Variants in SWT1 observed in about 807,000 individuals in gnomAD.
SWT1 encodes transcriptional protein SWT1.
SWT1 carries 33 observed loss-of-function variants against 107.3 expected under a neutral mutation model. The ratio of observed to expected loss-of-function variants is 0.31; its 90% CI spans 0.23 to 0.41. The LOEUF is 0.41. Ranked by LOEUF, SWT1 falls within the 10% of genes least tolerant of loss-of-function variation. The probability of loss-of-function intolerance (pLI) is 1.00; values close to 1 mark genes in which losing one functional copy is unlikely to be tolerated. For synonymous variants in SWT1, 345 were observed against 348.3 expected (o/e 0.99, Z 0.11); for missense variants, 898 against 1,028.9 (o/e 0.87, Z 1.74).
chr1:185,200,943 C>T (rs1487615992), intron 10 of SWT1, among the ~76,000 whole-genome samples: 2 of 152,126 alleles, frequency 1.3e-5, no homozygotes, highest in African/African-American at 2.4e-5. Flanking sequence ...TCAGAGGTGC[C>T]CTGCCCAGAG....
At chr1:185,218,138 T>C (rs1201084419) in intron 14 of SWT1, among the ~76,000 whole-genome samples, 56 of 152,210 alleles carry the variant, frequency 3.7e-4, no homozygotes, top group Admixed American at 3.7e-3. Context: ...TGGTCATGTC[T>C]CAGTAACTTG....
At chr1:185,181,594 C>T (rs1293915327) in intron 6 of SWT1, among the ~76,000 whole-genome samples, 2 of 152,134 alleles carry the variant, frequency 1.3e-5, no homozygotes, top group East Asian at 3.8e-4. Flanking sequence ...ACTTTAATGT[C>T]TAGGTATTTG....
chr1:185,162,005 T>C (rs1008618666), intron 2 of SWT1, among the ~76,000 whole-genome samples: 56 of 152,190 alleles, frequency 3.7e-4, no homozygotes, highest in Non-Finnish European at 1.3e-4. Context: ...TTCCAGATAG[T>C]GTGCTTTTTG....
chr1:185,270,799 CTA>C (rs758824172), intron 16 of SWT1, among the ~76,000 whole-genome samples: 2 of 152,100 alleles, frequency 1.3e-5, no homozygotes, highest in Admixed American at 1.3e-4. Flanking sequence ...TTTATGTAAT[CTA>C]TTGATTTTTC....
chr1:185,174,827 C>T lies in SWT1; in HGVS notation c.680C>T (p.Ser227Phe). Residue 227 changes from serine (S) to phenylalanine (F), a missense_variant, in exon 5 of 19, where the codon TCT becomes TTT. By Grantham distance (155) the Ser-to-Phe change is radical. Around this residue, in one of 6 missense-constraint regions of SWT1, gnomAD observed 382 missense variants for 362.4 expected, o/e 1.05. Transcript: ENST00000367500. ...AAGATAATTAAGGAACCCTTGGGATCTAGAAGACAGAAGATCAGTTTCAAA... is the reference window on the plus strand; with the variant it reads ...AAGATAATTAAGGAACCCTTGGGATTTAGAAGACAGAAGATCAGTTTCAAA... ...SNKIIKEPLG[S>F]RRQKISFKIP... 1.9e-6 allele frequency: 3 copies of T among 1,613,966 alleles called. No homozygotes were observed. The highest frequency in any genetic ancestry group is 2.5e-6 in the Non-Finnish European group (3 of 1,179,970).
intron 4 of SWT1, among the ~76,000 whole-genome samples, chr1:185,172,791 G>A (rs575102919): frequency 6.6e-6 from 1 of 152,126 alleles, no homozygotes; most frequent in African/African-American, 2.4e-5. Flanking sequence ...GCTCACACCT[G>A]TAATCCCAGC....
chr1:185,172,032 A>G lies in SWT1; in HGVS notation c.225-2340A>G, dbSNP rs371669229. On this transcript the variant is annotated intron_variant, in intron 4 of 18. Transcript: ENST00000367500. ...TTAATTATTTGAGAAGTCACTTGTT[A>G]AATGTGTCTCTCTTGCTGGGCTGTA... Among the ~76,000 whole-genome samples the G allele has an allele frequency of 5.6e-4, 86 of 152,340 alleles. No homozygotes were observed. In the South Asian group the frequency reaches 0.018, roughly 31 times the overall value.
At chr1:185,179,576 T>A (rs898190778) in intron 5 of SWT1, among the ~76,000 whole-genome samples, 2 of 152,222 alleles carry the variant, frequency 1.3e-5, no homozygotes, top group Admixed American at 6.5e-5. Flanking sequence ...TTTTTAGCCT[T>A]ATTGTAATCC....
rs71101962 is a variant in SWT1 at position 185,176,286 on chromosome 1, CAAAAAAAAAAAAA to C, written c.966+1189_966+1201del. Among the ~76,000 whole-genome samples the C allele has an allele frequency of 7.4e-4, 35 of 47,304 alleles. 1 individual carries two copies. Among genetic ancestry groups the C allele is most frequent in the African/African-American group, 3.3e-3 (33 of 10,026 alleles). The allele number at this position is 47,304 out of a possible 152,430, so 31.0% of individuals were successfully genotyped here. On this transcript the variant is annotated intron_variant, in intron 5 of 18. Transcript: ENST00000367500. ...AGGTGACAGAAAGAGACCTTGTCTC[CAAAAAAAAAAAAA>C]AAAAAAAAAAAAAAAGATTTACTGG...
chr1:185,206,884 C>G (rs555634798), intron 13 of SWT1, 121 bp downstream of exon 13: 2 of 651,558 alleles, frequency 3.1e-6, no homozygotes, highest in Non-Finnish European at 4.7e-6. Flanking sequence ...ATCATTTATA[C>G]TTCTAATTTA....
chr1:185,215,723 TA>T (rs1659167897), intron 14 of SWT1, among the ~76,000 whole-genome samples: 1 of 152,084 alleles, frequency 6.6e-6, no homozygotes, highest in African/African-American at 2.4e-5. Flanking sequence ...ATATTTTTAG[TA>T]GAGGCAGAGT....
intron 16 of SWT1, among the ~76,000 whole-genome samples, chr1:185,253,890 A>G (rs1427411965): frequency 1.3e-5 from 2 of 151,544 alleles, no homozygotes; most frequent in Admixed American, 6.6e-5. Flanking sequence ...GTTTTTGTCC[A>G]TTCAGTATGA....
At position 185,243,788 on chromosome 1, in the gene SWT1, A is replaced by T. The variant is rs113993921; in HGVS notation, c.2441+12080A>T. ...TAAGCTACTTTATTACTATTTAAAT[A>T]TATGTAGTTAATGTATTATTTTTGA... On this transcript the variant is annotated intron_variant, in intron 16 of 18. Coordinates refer to ENST00000367500, the MANE Select transcript of SWT1 (RefSeq NM_017673.7). 7.0e-3 allele frequency among the ~76,000 whole-genome samples: 1,072 copies of T among 152,276 alleles called. 10 individuals carry two copies. The highest frequency in any genetic ancestry group is 0.023 in the African/African-American group (951 of 41,548).
At chr1:185,264,932 T>C (rs902725945) in intron 16 of SWT1, among the ~76,000 whole-genome samples, 2 of 152,212 alleles carry the variant, frequency 1.3e-5, no homozygotes, top group African/African-American at 4.8e-5. Context: ...GTAAGACATA[T>C]AATCTATTCT....
At chr1:185,279,532 T>G (rs1226353174) in intron 18 of SWT1, among the ~76,000 whole-genome samples, 1 of 152,150 alleles carries the variant, frequency 6.6e-6, no homozygotes, top group Non-Finnish European at 1.5e-5. Context: ...ATTTAATATG[T>G]TGCAGGCATT....
At chr1:185,255,447 T>A (rs2102667027) in intron 16 of SWT1, among the ~76,000 whole-genome samples, 1 of 136,684 alleles carries the variant, frequency 7.3e-6, no homozygotes, top group Admixed American at 7.1e-5. Context: ...GGACTTGCTT[T>A]ATGAATCTTG....
chr1:185,200,377 C>T (rs1158121862), intron 10 of SWT1, among the ~76,000 whole-genome samples: 2 of 152,034 alleles, frequency 1.3e-5, no homozygotes, highest in African/African-American at 2.4e-5. Context: ...TCCTCATCTT[C>T]ATGGATTTAT....
In SWT1 at chr1:185,276,568, A is replaced by G. The variant is rs747752552; in HGVS notation, c.2509-36A>G. 9.3e-6 allele frequency: 12 copies of G among 1,293,494 alleles called. No homozygotes were observed. In the Admixed American group the frequency reaches 2.1e-4, roughly 22 times the overall value. The allele number at this position is 1,293,494 out of a possible 1,614,324, so 80.1% of individuals were successfully genotyped here. A position where few individuals can be genotyped will look rare whatever the true frequency, so the allele number is the denominator to read the frequency against. The stretch of plus-strand genomic sequence containing the variant: ...TTTTGCTGTCATCACTCACTTTAAT[A>G]TATATTTTTAATAACTATATCTTGG... On this transcript the variant is annotated intron_variant, in intron 17 of 18. Transcript: ENST00000367500.
chr1:185,180,319 A>G, intron 5 of SWT1, 72 bp from the exon 6 acceptor site: 1 of 1,221,222 alleles, frequency 8.2e-7, no homozygotes, highest in Non-Finnish European at 1.2e-6. Flanking sequence ...CTGAAGGTTA[A>G]TAGTGACAAG....
Sources: allele counts gnomAD v4.1 joint callset (sites outside exome capture counted in the v4.1 genomes callset), GRCh38; gene constraint gnomAD v4.1.1; regional missense constraint gnomAD v4.1.1; transcripts MANE v1.5; gene names NCBI Gene and HGNC (gene_info 2026-07-23, HGNC 2026-07-21).